UNC13B: variants seen among roughly 807,000 people sequenced by gnomAD.
UNC13B encodes the protein protein unc-13 homolog B.
A neutral mutation model predicts 211.0 loss-of-function variants in UNC13B; 144 were observed. The observed-to-expected ratio is 0.68, with a 90% CI of 0.60 to 0.78. UNC13B has a LOEUF of 0.78. UNC13B is among the 30% of genes least tolerant of loss of function. The probability of loss-of-function intolerance (pLI) is 0.00; values close to 1 mark genes in which losing one functional copy is unlikely to be tolerated. For synonymous variants in UNC13B, 709 were observed against 725.8 expected, an observed-to-expected ratio of 0.98 and a Z score of 0.37; for missense variants, 1,777 against 2,002.0, an observed-to-expected ratio of 0.89 and a Z score of 2.14.
chr9:35,392,012 A>G (rs990569730), intron 26 of UNC13B, among the ~76,000 whole-genome samples: 2 of 152,206 alleles, frequency 1.3e-5, no homozygotes, highest in Admixed American at 6.5e-5. Flanking sequence ...GAAAGAATTA[A>G]TGTTGGCCTG....
chr9:35,371,519 T>C (rs1231410455), intron 13 of UNC13B, among the ~76,000 whole-genome samples: 1 of 147,328 alleles, frequency 6.8e-6, no homozygotes, highest in Non-Finnish European at 1.5e-5. Context: ...TAGCTCTTCA[T>C]CTAGCTGGTT....
At chr9:35,357,247 T>C (rs940173358) in intron 11 of UNC13B, among the ~76,000 whole-genome samples, 3 of 152,208 alleles carry the variant, frequency 2.0e-5, no homozygotes, top group African/African-American at 7.2e-5. Context: ...ACACTTGTTA[T>C]TATCTTTTTT....
Position 35,300,479 on chromosome 9 carries a change from C to A in UNC13B, c.1075C>A (p.Gln359Lys). 2.5e-6 allele frequency: 1 copy of A among 398,944 alleles called. No homozygotes were observed. The highest frequency in any genetic ancestry group is 4.4e-6 in the Non-Finnish European group (1 of 226,044). The allele number at this position is 398,944 out of a possible 1,614,324, so 24.7% of individuals were successfully genotyped here. ...CTGTGAAAAGTCATCTGGCTCAAAC[C>A]AGCATGTCACTAATTTTACCTCATT... ...RHCEKSSGSN[Q>K]HVTNFTSLDI... Residue 359 changes from glutamine to lysine, a missense_variant, in exon 9 of 40, where the codon CAG becomes AAG. Coordinates refer to ENST00000635942, the MANE Select transcript of UNC13B (RefSeq NM_001371189.2).
chr9:35,304,026 A>G lies in UNC13B; in HGVS notation c.4622A>G (p.Tyr1541Cys), dbSNP rs771880551. 19 of 398,670 alleles carry G rather than the reference A, an allele frequency of 4.8e-5. No homozygotes were observed. The highest frequency in any genetic ancestry group is 8.4e-5 in the Non-Finnish European group (19 of 225,882). The allele number at this position is 398,670 out of a possible 1,614,324, so 24.7% of individuals were successfully genotyped here. A position where few individuals can be genotyped will look rare whatever the true frequency, so the allele number is the denominator to read the frequency against. Residue 1541 changes from tyrosine to cysteine, a missense_variant, in exon 9 of 40, where the codon TAT becomes TGT. Coordinates refer to ENST00000635942, the MANE Select transcript of UNC13B (RefSeq NM_001371189.2). ...ATGTTTCATGATGGTCAATATATCT[A>G]TTCTCTTCTCACTGATTCTACTGGG... ...YYMFHDGQYI[Y>C]SLLTDSTGQY...
chr9:35,344,397 T>C (rs559797636), intron 11 of UNC13B, among the ~76,000 whole-genome samples: 2 of 152,320 alleles, frequency 1.3e-5, no homozygotes, highest in South Asian at 4.1e-4. Context: ...AGAACTTGAA[T>C]GCAGCATGTT....
intron 11 of UNC13B, among the ~76,000 whole-genome samples, chr9:35,366,001 A>G (rs952395173): frequency 1.3e-5 from 2 of 152,124 alleles, no homozygotes; most frequent in African/African-American, 4.8e-5. Context: ...TCCCCACTTT[A>G]GCTCTCCAAA....
chr9:35,384,403 G>A, intron 22 of UNC13B, 89 bp downstream of exon 22: 2 of 1,529,680 alleles, frequency 1.3e-6, no homozygotes, highest in Non-Finnish European at 1.8e-6. Flanking sequence ...TAAAGATTGA[G>A]GCCAGGGAAA....
Position 35,295,850 on chromosome 9 carries a change from A to T in UNC13B, c.681A>T (p.Leu227=). Residue 227 remains leucine (L), a synonymous_variant, in exon 8 of 40, where the codon CTA becomes CTT. Transcript: ENST00000635942. ...PVPVRSPQQL[L]LQGSSRDSCN... is the part of the protein sequence containing the mutation. ...CGGTGCGATCGCCACAGCAGCTGCT[A>T]CTTCAAGGCAGTTCCCGGGACTCTT... 6.2e-7 allele frequency: 1 copy of T among 1,614,154 alleles called. No homozygotes were observed. The highest frequency in any genetic ancestry group is 8.5e-7 in the Non-Finnish European group (1 of 1,180,032).
intron 11 of UNC13B, among the ~76,000 whole-genome samples, chr9:35,332,581 G>A (rs998425348): frequency 4.0e-5 from 6 of 151,854 alleles, no homozygotes; most frequent in African/African-American, 7.3e-5. Context: ...CTTTGTGTTC[G>A]GGTTCTCTTT....
At chr9:35,200,677 A>G (rs1823231096) in intron 1 of UNC13B, among the ~76,000 whole-genome samples, 1 of 152,172 alleles carries the variant, frequency 6.6e-6, no homozygotes, top group Admixed American at 6.6e-5. Flanking sequence ...ATTTTTGCAC[A>G]TTGATTTTGT....
intron 11 of UNC13B, among the ~76,000 whole-genome samples, chr9:35,341,432 G>A (rs528379523): frequency 2.0e-5 from 3 of 152,216 alleles, no homozygotes; most frequent in South Asian, 4.2e-4. Flanking sequence ...ATATATACAC[G>A]AAACCAACCA....
At chr9:35,185,189 G>A (rs1822292941) in intron 1 of UNC13B, among the ~76,000 whole-genome samples, 1 of 152,206 alleles carries the variant, frequency 6.6e-6, no homozygotes, top group Non-Finnish European at 1.5e-5. Flanking sequence ...CCAGTTAAGT[G>A]CCTCAGGACA....
chr9:35,162,254 G>A lies in UNC13B; in HGVS notation c.-30G>A. The stretch of plus-strand genomic sequence containing the variant: ...GAGGGAGCGGTCCGGCGCGGCTGGG[G>A]CGCGGCAGAGGCTTGCCCGATCCTC... On this transcript the variant is annotated 5_prime_UTR_variant, in exon 1 of 40. Coordinates refer to ENST00000635942, the MANE Select transcript of UNC13B (RefSeq NM_001371189.2). The A allele has an allele frequency of 6.5e-7, 1 of 1,542,492 alleles. No homozygotes were observed. The highest frequency in any genetic ancestry group is 8.7e-7 in the Non-Finnish European group (1 of 1,147,198).
intron 7 of UNC13B, among the ~76,000 whole-genome samples, chr9:35,264,438 T>C (rs1206374442): frequency 6.6e-6 from 1 of 152,198 alleles, no homozygotes. Context: ...GCAATTAAAT[T>C]GCATATTTAG....
intron 1 of UNC13B, among the ~76,000 whole-genome samples, chr9:35,213,216 C>A (rs1157173368): frequency 6.6e-6 from 1 of 152,120 alleles, no homozygotes; most frequent in African/African-American, 2.4e-5. Flanking sequence ...GTAGATGAGG[C>A]CTTTTGGAGG....
At chr9:35,258,214 G>C (rs1827047829) in intron 6 of UNC13B, among the ~76,000 whole-genome samples, 2 of 152,194 alleles carry the variant, frequency 1.3e-5, no homozygotes, top group African/African-American at 4.8e-5. Flanking sequence ...ATGTTTGCAA[G>C]TTGCCTGGCT....
chr9:35,395,761 A>G (rs1044483715), intron 26 of UNC13B, among the ~76,000 whole-genome samples: 1 of 152,256 alleles, frequency 6.6e-6, no homozygotes, highest in Non-Finnish European at 1.5e-5. Context: ...GAGATTCAGC[A>G]AGATGACTTT....
At chr9:35,287,990 C>G (rs1429060780) in intron 7 of UNC13B, among the ~76,000 whole-genome samples, 1 of 152,096 alleles carries the variant, frequency 6.6e-6, no homozygotes, top group African/African-American at 2.4e-5. Context: ...TCCAGTAGCT[C>G]AAGCTAAAAA....
Position 35,302,015 on chromosome 9 carries a change from C to A in UNC13B, c.2611C>A (p.His871Asn). Residue 871 changes from histidine (H) to asparagine (N), a missense_variant, in exon 9 of 40, where the codon CAT (histidine) becomes AAT (asparagine). By Grantham distance (68) the His-to-Asn change is moderately conservative (BLOSUM62 1). Coordinates refer to ENST00000635942, the MANE Select transcript of UNC13B (RefSeq NM_001371189.2). The part of the protein sequence containing the change: ...LNLPFFRSLG[H>N]SEKQQELKEK... The stretch of plus-strand genomic sequence containing the variant: ...TCTTCCATTTTTTAGAAGTCTTGGT[C>A]ATTCTGAAAAGCAACAGGAGTTAAA... 7.5e-6 allele frequency: 3 copies of A among 398,620 alleles called. No individual in the cohort carries two copies. In the South Asian group the frequency reaches 3.9e-4, roughly 51 times the overall value. 24.7% of individuals were successfully genotyped at this position (398,620 alleles called of 1,614,324 possible).
Sources: allele counts gnomAD v4.1 joint callset (sites outside exome capture counted in the v4.1 genomes callset), GRCh38; gene constraint gnomAD v4.1.1; transcripts MANE v1.5; gene names NCBI Gene and HGNC (gene_info 2026-07-23, HGNC 2026-07-21).